The following HTT variants were observed in gnomAD, a reference collection of about 807,000 sequenced individuals.
The protein encoded by HTT is huntingtin, also known as huntington disease protein.
HTT carries 104 observed loss-of-function variants against 362.3 expected under a neutral mutation model. The observed-to-expected ratio is 0.29, with a 90% CI of 0.24 to 0.34. HTT has a LOEUF of 0.34. Among genes scored for constraint, HTT ranks in the 10% least tolerant of loss-of-function variants. The pLI is 1.00. For missense variants in HTT, 3,301 were observed against 3,928.6 expected (o/e 0.84, Z 4.27); for synonymous variants, 1,577 against 1,548.7 (o/e 1.02, Z -0.43).
At chr4:3,161,512 AG>A (rs1717443754) in intron 29 of HTT, among the ~76,000 whole-genome samples, 1 of 152,138 alleles carries the variant, frequency 6.6e-6, no homozygotes, top group South Asian at 2.1e-4. Flanking sequence ...CTTCCACAAT[AG>A]TTGAACTAAT....
chr4:3,180,551 T>A lies in HTT; in HGVS notation c.4649T>A (p.Phe1550Tyr), dbSNP rs775042917. The A allele has an allele frequency of 5.0e-6, 8 of 1,612,764 alleles. No individual in the cohort carries two copies. The highest frequency in any genetic ancestry group is 1.7e-4 in the Middle Eastern group (1 of 6,058). Residue 1550 changes from phenylalanine (F) to tyrosine (Y), a missense_variant, in exon 36 of 67, where the codon TTT becomes TAT. Physicochemically the swap from Phe to Tyr is conservative, Grantham distance 22. Transcript: ENST00000355072. ...CTGCAGCCCATAGTCCACGACCTCT[T>A]TGTATTAAGAGGAACAAATAAAGCT... is the stretch of plus-strand genomic sequence containing the variant. ...PALQPIVHDL[F>Y]VLRGTNKADA...
In HTT at chr4:3,090,101, T is replaced by A. The variant is rs189353737; in HGVS notation, c.347+3079T>A. Among the ~76,000 whole-genome samples the A allele has an allele frequency of 1.5e-3, 226 of 152,338 alleles. 1 individual carries two copies. Among genetic ancestry groups the A allele is most frequent in the African/African-American group, 5.2e-3 (217 of 41,578 alleles). On this transcript the variant is annotated intron_variant, in intron 2 of 66. Transcript: ENST00000355072. ...GTTTCCTGTTAACTCTCCTAAAATATAATTAAACTTTTGGAACTTTTTTAT... is the reference window on the plus strand; with the variant it reads ...GTTTCCTGTTAACTCTCCTAAAATAAAATTAAACTTTTGGAACTTTTTTAT...
At chr4:3,238,669 A>G in intron 65 of HTT, 60 bp downstream of exon 65, 1 of 1,518,376 alleles carries the variant, frequency 6.6e-7, no homozygotes. Flanking sequence ...GTTGCCTCCG[A>G]CTTCCCAGCA....
chr4:3,139,827 A>C (rs193251716), intron 21 of HTT, among the ~76,000 whole-genome samples: 72 of 152,302 alleles, frequency 4.7e-4, no homozygotes, highest in African/African-American at 1.6e-3. Context: ...CTCTGTGCTC[A>C]GTACTCTGTG....
chr4:3,099,247 G>T lies in HTT; in HGVS notation c.348-27G>T. ...TGTCATGTCACCTTAGGCTCCTCTTGACAGTTTCTCTTCTTTTTTTGCTTA... is the reference window on the plus strand; with the variant it reads ...TGTCATGTCACCTTAGGCTCCTCTTTACAGTTTCTCTTCTTTTTTTGCTTA... On this transcript the variant is annotated intron_variant, in intron 2 of 66. Coordinates refer to ENST00000355072, the MANE Select transcript of HTT (RefSeq NM_001388492.1). The T allele has an allele frequency of 1.9e-6, 3 of 1,552,196 alleles. No individual in the cohort carries two copies. In the South Asian group the frequency reaches 3.4e-5, roughly 17 times the overall value.
intron 6 of HTT, among the ~76,000 whole-genome samples, chr4:3,112,120 A>G (rs1018478478): frequency 6.6e-6 from 1 of 152,172 alleles, no homozygotes; most frequent in African/African-American, 2.4e-5. Context: ...TATATGCTTT[A>G]TACAACTTCT....
At chr4:3,092,266 C>T (rs1438555214) in intron 2 of HTT, among the ~76,000 whole-genome samples, 3 of 152,184 alleles carry the variant, frequency 2.0e-5, no homozygotes, top group South Asian at 2.1e-4. Context: ...TCATGATCCG[C>T]GCCCCTCGGC....
chr4:3,130,932 CT>C (rs1715781120), intron 14 of HTT, among the ~76,000 whole-genome samples: 1 of 152,154 alleles, frequency 6.6e-6, no homozygotes, highest in African/African-American at 2.4e-5. Context: ...AGGCTGTTGC[CT>C]TTCCCCAAGT....
rs972227037 is a variant in HTT, at chr4:3,237,594, C to G, written c.8892-853C>G. On this transcript the variant is annotated intron_variant, in intron 64 of 66. Transcript: ENST00000355072. ...CTCTCCAGACGCCACAGGGAGGCAC[C>G]TCGCAGCTGACCACAGATTTCTCTC... Among the ~76,000 whole-genome samples the G allele has an allele frequency of 2.0e-5, 3 of 152,156 alleles. No homozygotes were observed. In the East Asian group the frequency reaches 5.8e-4, roughly 29 times the overall value.
intron 24 of HTT, 147 bp downstream of exon 24, chr4:3,145,375 A>C: frequency 1.6e-6 from 1 of 642,960 alleles, no homozygotes; most frequent in Non-Finnish European, 2.8e-6. Flanking sequence ...TGTTTCTGCT[A>C]TATTAGCTGT....
Position 3,115,371 on chromosome 4 carries a change from G to C in HTT, c.815G>C (p.Gly272Ala). 1.2e-6 allele frequency: 2 copies of C among 1,614,090 alleles called. No homozygotes were observed. The highest frequency in any genetic ancestry group is 1.7e-6 in the Non-Finnish European group (2 of 1,179,934). The stretch of plus-strand genomic sequence containing the variant: ...CCCACCATTCGGCGGACAGCGGCTG[G>C]ATCAGCAGTGAGCATCTGCCAGCAC... The part of the protein sequence containing the change: ...SSPTIRRTAA[G>A]SAVSICQHSR... The change falls in exon 7 of 67, where the codon GGA becomes GCA. Residue 272 changes from glycine to alanine, a missense_variant. Transcript: ENST00000355072.
At position 3,135,933 on chromosome 4, in the gene HTT, A is replaced by C; in HGVS notation, c.2663A>C (p.Glu888Ala). ...RLVSFLEAKA[E>A]NLHRGAHHYT... ...GTGAGCTTTTTGGAGGCAAAAGCAG[A>C]AAACTTACACAGAGGGGCTCATCAT... Residue 888 changes from glutamate (E) to alanine (A), a missense_variant, in exon 20 of 67, where the codon GAA (glutamate) becomes GCA (alanine). Glu to Ala is a moderately radical substitution (Grantham distance 107, BLOSUM62 -1). Around this residue, in one of 4 missense-constraint regions of HTT, gnomAD observed 2,316 missense variants for 2,658.5 expected, o/e 0.87. Transcript: ENST00000355072. 6.2e-7 allele frequency: 1 copy of C among 1,604,066 alleles called. No individual in the cohort carries two copies. The highest frequency in any genetic ancestry group is 2.2e-5 in the East Asian group (1 of 44,472).
chr4:3,160,398 T>C lies in HTT; in HGVS notation c.3864+6T>C, dbSNP rs1316567008. On this transcript the variant is annotated splice_donor_region_variant and intron_variant, in intron 29 of 66. Coordinates refer to ENST00000355072, the MANE Select transcript of HTT (RefSeq NM_001388492.1). ...CACTGCAGGACATTGGGAAGGTTTG[T>C]GTCTTGTTTTTTCTCCTTGGGTTGT... is the stretch of plus-strand genomic sequence containing the variant. 2.6e-6 allele frequency: 4 copies of C among 1,527,700 alleles called. No homozygotes were observed. The highest frequency in any genetic ancestry group is 3.6e-6 in the Non-Finnish European group (4 of 1,124,450). 94.6% of individuals were successfully genotyped at this position (1,527,700 alleles called of 1,614,324 possible).
chr4:3,157,658 C>G (rs1393944584), intron 28 of HTT, among the ~76,000 whole-genome samples: 1 of 152,188 alleles, frequency 6.6e-6, no homozygotes, highest in Non-Finnish European at 1.5e-5. Context: ...TGGTGAGCCA[C>G]TTGTTATCAG....
At position 3,084,992 on chromosome 4, in the gene HTT, C is replaced by T. The variant is rs547909300; in HGVS notation, c.264-1947C>T. Among the ~76,000 whole-genome samples, 224 of 147,016 alleles carry T rather than the reference C, an allele frequency of 1.5e-3. 1 individual carries two copies. Among genetic ancestry groups the T allele is most frequent in the African/African-American group, 5.4e-3 (213 of 39,580 alleles). On this transcript the variant is annotated intron_variant, in intron 1 of 66. Transcript: ENST00000355072. ...TCGCGCCACTGCACTCCAGCCTGGG[C>T]GACAGAGCAAGACTCCGTCTCGGGG...
intron 44 of HTT, 92 bp downstream of exon 44, chr4:3,207,075 G>T: frequency 7.8e-7 from 1 of 1,277,174 alleles, no homozygotes; most frequent in Non-Finnish European, 1.1e-6. Flanking sequence ...CGTAAGTATG[G>T]TCTTGACATG....
intron 38 of HTT, 30 bp downstream of exon 38, chr4:3,186,749 A>G (rs1484631604): frequency 6.2e-7 from 1 of 1,606,790 alleles, no homozygotes; most frequent in Non-Finnish European, 8.5e-7. Flanking sequence ...CAGCAGATGA[A>G]TCTGGACGGC....
At chr4:3,185,783 T>C (rs891967444) in intron 37 of HTT, among the ~76,000 whole-genome samples, 3 of 152,058 alleles carry the variant, frequency 2.0e-5, no homozygotes, top group Non-Finnish European at 1.5e-5. Flanking sequence ...TGTGGTGGTG[T>C]GCGCCTGTAG....
chr4:3,218,774 A>G lies in HTT; in HGVS notation c.7242+822A>G, dbSNP rs1234077112. 6.6e-6 allele frequency among the ~76,000 whole-genome samples: 1 copy of G among 152,216 alleles called. No homozygotes were observed. The highest frequency in any genetic ancestry group is 2.4e-5 in the African/African-American group (1 of 41,446). ...GCATCATCTCCCACCAGCCCGCTGAAATAAGATGATGGGGCCTGTTCCTTA... is the reference window on the plus strand; with the variant it reads ...GCATCATCTCCCACCAGCCCGCTGAGATAAGATGATGGGGCCTGTTCCTTA... On this transcript the variant is annotated intron_variant, in intron 52 of 66. Coordinates refer to ENST00000355072, the MANE Select transcript of HTT (RefSeq NM_001388492.1). This position sits in a 1 kb window ranked among gnomAD's most constrained non-coding sequence, Gnocchi z 4.4.
Sources: allele counts gnomAD v4.1 joint callset (sites outside exome capture counted in the v4.1 genomes callset), GRCh38; gene constraint gnomAD v4.1.1; regional missense constraint gnomAD v4.1.1; non-coding constraint Gnocchi (gnomAD v3.1); transcripts MANE v1.5; gene names NCBI Gene and HGNC (gene_info 2026-07-23, HGNC 2026-07-21).